SV2C: variants seen among roughly 807,000 people sequenced by gnomAD.
The protein encoded by SV2C is solute carrier family 22 member B3.
A neutral mutation model predicts 79.7 loss-of-function variants in SV2C; 49 were observed. The ratio of observed to expected loss-of-function variants is 0.61; its 90% confidence interval spans 0.49 to 0.78. The LOEUF (loss-of-function observed/expected upper bound fraction) is 0.78. SV2C is among the 30% of genes least tolerant of loss of function. SV2C has a pLI of 0.00. For missense variants in SV2C, 833 were observed against 912.9 expected, an observed-to-expected ratio of 0.91 and a Z score of 1.13; for synonymous variants, 334 against 333.2, an observed-to-expected ratio of 1.00 and a Z score of -0.03.
the SV2C span, among the ~76,000 whole-genome samples, chr5:75,972,762 C>A: frequency 9.2e-5 from 14 of 152,074 alleles, no homozygotes; most frequent in African/African-American, 2.7e-4. Context: ...TGTGGAAGTC[C>A]GTGTGGCAAT....
chr5:76,082,398 T>C (rs1444050188), upstream of SV2C: 1 of 152,194 alleles, frequency 6.6e-6, no homozygotes, highest in Non-Finnish European at 1.5e-5. Context: ...TGGGGTCTCC[T>C]GCACGCCAAG....
intron 4 of SV2C, among the ~76,000 whole-genome samples, chr5:76,232,922 G>A (rs1313519855): frequency 1.4e-5 from 2 of 142,900 alleles, no homozygotes; most frequent in South Asian, 2.1e-4. Context: ...GGCGATGCGG[G>A]CTCTTTTTTG....
chr5:76,040,569 A>G, the SV2C span, among the ~76,000 whole-genome samples: 1 of 152,222 alleles, frequency 6.6e-6, no homozygotes, highest in Non-Finnish European at 1.5e-5. Context: ...GTAGGTTGGT[A>G]TAAGGGAGTT....
chr5:75,991,353 T>C, the SV2C span, among the ~76,000 whole-genome samples: 10 of 151,694 alleles, frequency 6.6e-5, no homozygotes, highest in African/African-American at 2.4e-4. Context: ...ATCAATCCTC[T>C]ATCAGTCATA....
chr5:76,214,500 G>A (rs537050374), intron 4 of SV2C, among the ~76,000 whole-genome samples: 61 of 152,238 alleles, frequency 4.0e-4, no homozygotes, highest in African/African-American at 1.4e-3. Context: ...GGTTACTTTA[G>A]CTACTCAGGG....
At chr5:76,262,559 TG>T (rs1746509782) in intron 4 of SV2C, among the ~76,000 whole-genome samples, 1 of 152,226 alleles carries the variant, frequency 6.6e-6, no homozygotes, top group Admixed American at 6.5e-5. Flanking sequence ...CTTTCTGATG[TG>T]GGCATTTAGT....
At chr5:76,048,980 AAAGAAAG>A in the SV2C span, among the ~76,000 whole-genome samples, 13 of 86,082 alleles carry the variant, frequency 1.5e-4, no homozygotes, top group Admixed American at 5.3e-4. Flanking sequence ...AGAAAGAAAG[AAAGAAAG>A]AAAGAAAGAA....
downstream of SV2C, among the ~76,000 whole-genome samples, chr5:76,336,519 C>T (rs1055031242): frequency 6.6e-6 from 1 of 152,306 alleles, no homozygotes; most frequent in African/African-American, 2.4e-5. Flanking sequence ...GCAATCTCGG[C>T]ACCCCGGGAG....
At chr5:76,055,274 G>A in the SV2C span, among the ~76,000 whole-genome samples, 1 of 152,022 alleles carries the variant, frequency 6.6e-6, no homozygotes, top group Non-Finnish European at 1.5e-5. Context: ...CCCATTGCTT[G>A]TTTTCATCAA....
chr5:75,861,803 T>G, the SV2C span, among the ~76,000 whole-genome samples: 8 of 152,098 alleles, frequency 5.3e-5, no homozygotes, highest in African/African-American at 1.9e-4. Context: ...CAATAGACAC[T>G]GAGGACTACT....
chr5:76,166,541 A>AACTACCTTT, intron 2 of SV2C, among the ~76,000 whole-genome samples: 1 of 152,392 alleles, frequency 6.6e-6, no homozygotes, highest in South Asian at 2.1e-4. Flanking sequence ...ATTAAAATAA[A>AACTACCTTT]GCTACCTTTG....
At chr5:76,323,956 TGTA>T (rs1415079805) in intron 12 of SV2C, among the ~76,000 whole-genome samples, 2 of 152,166 alleles carry the variant, frequency 1.3e-5, no homozygotes, top group Non-Finnish European at 2.9e-5. Context: ...CCATGGCACA[TGTA>T]TACCTATGTA....
the SV2C span, among the ~76,000 whole-genome samples, chr5:75,907,509 A>C: frequency 6.6e-6 from 1 of 152,188 alleles, no homozygotes; most frequent in East Asian, 1.9e-4. Context: ...GGATATAAGC[A>C]AACACCCACA....
At chr5:76,336,280 C>G (rs1055463626), downstream of SV2C, among the ~76,000 whole-genome samples, 25 of 150,722 alleles carry the variant, frequency 1.7e-4, no homozygotes, top group South Asian at 1.5e-3. Context: ...GAGGGTCTCC[C>G]CACCTCTCAG....
chr5:75,868,154 T>C, the SV2C span, among the ~76,000 whole-genome samples: 1,150 of 152,202 alleles, frequency 7.6e-3, 16 homozygotes, highest in African/African-American at 0.027. Context: ...AGAGAGGAAA[T>C]ATAAACATTT....
At chr5:75,847,825 G>A in the SV2C span, among the ~76,000 whole-genome samples, 1 of 152,154 alleles carries the variant, frequency 6.6e-6, no homozygotes, top group African/African-American at 2.4e-5. Flanking sequence ...GAGAAGTAGT[G>A]TAATGATTGC....
the SV2C span, among the ~76,000 whole-genome samples, chr5:75,937,718 A>AAAAACAAAAC: frequency 1.3e-5 from 2 of 152,074 alleles, no homozygotes; most frequent in African/African-American, 2.4e-5. Context: ...AAAGAAACAA[A>AAAAACAAAAC]AAAACAAAAC....
the SV2C span, among the ~76,000 whole-genome samples, chr5:75,848,669 G>A: frequency 1.3e-5 from 2 of 152,176 alleles, no homozygotes; most frequent in African/African-American, 4.8e-5. Context: ...GTGTGGGTCA[G>A]CCTGGTTGTG....
intron 9 of SV2C, among the ~76,000 whole-genome samples, chr5:76,296,323 TTA>T (rs767428782): frequency 2.0e-5 from 3 of 152,140 alleles, no homozygotes; most frequent in African/African-American, 4.8e-5. Context: ...TGAAATGTGA[TTA>T]TATGAGTCTT....
Sources: gnomAD v4.1 joint callset for allele counts (sites outside exome capture counted in the v4.1 genomes callset) on GRCh38, gnomAD v4.1.1 for gene constraint, MANE v1.5 for transcripts, NCBI Gene and HGNC (gene_info 2026-07-23, HGNC 2026-07-21) for gene names.